The following FGF13 variants were observed in gnomAD, a reference collection of about 807,000 sequenced individuals.
The protein encoded by FGF13 is fibroblast growth factor 13.
A neutral mutation model predicts 19.5 loss-of-function variants in FGF13; 2 were observed. The observed-to-expected ratio is 0.10, with a 90% CI of 0.04 to 0.32. The LOEUF is 0.32. FGF13 is among the 10% of genes least tolerant of loss of function. FGF13 has a pLI of 1.00. For synonymous variants in FGF13, 72 were observed against 76.9 expected (o/e 0.94, Z 0.33); for missense variants, 113 against 192.7 (o/e 0.59, Z 2.45).
chrX:139,089,620 T>C (rs1373880789), intron 1 of FGF13, among the ~76,000 whole-genome samples: 1 of 111,808 alleles, frequency 8.9e-6, no homozygotes, highest in Non-Finnish European at 1.9e-5. Flanking sequence ...CCTCAGTTTC[T>C]TCATCTCAAC....
chrX:138,678,076 A>C (rs926366646), intron 3 of FGF13, among the ~76,000 whole-genome samples: 9 of 111,671 alleles, frequency 8.1e-5, no homozygotes, highest in Non-Finnish European at 1.7e-4. Flanking sequence ...AACTATCGCA[A>C]GGACAAAAAA....
intron 3 of FGF13, among the ~76,000 whole-genome samples, chrX:138,793,822 A>T (rs182441329): frequency 2.1e-3 from 234 of 112,106 alleles, no homozygotes; most frequent in Non-Finnish European, 3.6e-3. Flanking sequence ...TGTATGTAAA[A>T]TTGGGATAGT....
intron 1 of FGF13, among the ~76,000 whole-genome samples, chrX:138,975,274 C>T (rs1230053273): frequency 8.9e-6 from 1 of 112,613 alleles, no homozygotes; most frequent in Non-Finnish European, 1.9e-5. Context: ...TCTCCATTTT[C>T]CAGTTGATGG....
In FGF13 at chrX:138,634,190, A is replaced by AT. The variant is rs370716406; in HGVS notation, c.602-1205dup. On this transcript the variant is annotated intron_variant, in intron 4 of 4. Coordinates refer to ENST00000315930, the MANE Select transcript of FGF13 (RefSeq NM_004114.5). The stretch of plus-strand genomic sequence containing the variant: ...TCTGGTAAGTGTTAAGTGTACACAC[A>AT]TTTTTTTTTTCTTTTGTTTTTTGAA... Among the ~76,000 whole-genome samples the AT allele has an allele frequency of 4.1e-4, 44 of 108,231 alleles. 1 individual carries two copies. In the Middle Eastern group the frequency reaches 0.014, roughly 34 times the overall value. The allele number at this position is 108,231 out of a possible 115,157, so 94.0% of individuals were successfully genotyped here.
Position 139,056,999 on chromosome X carries a change from G to C in FGF13, c.-113+146417C>G, listed in dbSNP as rs563886372. On this transcript the variant is annotated intron_variant, in intron 1 of 2. Transcript: ENST00000421460. ...AGAAAGAACCATGGACTAAAGTCAG[G>C]AGACTTGCCCACTAGGCCCATGTTG... Among the ~76,000 whole-genome samples, 26 of 111,679 alleles carry C rather than the reference G, an allele frequency of 2.3e-4. No individual in the cohort carries two copies. In the South Asian group the frequency reaches 9.4e-3, roughly 41 times the overall value.
intron 3 of FGF13, among the ~76,000 whole-genome samples, chrX:138,784,618 C>G (rs1359953180): frequency 9.0e-6 from 1 of 111,219 alleles, no homozygotes; most frequent in Non-Finnish European, 1.9e-5. Context: ...TATTAGCCTA[C>G]TTCTTTTCCT....
At chrX:139,131,019 G>C (rs1291422543) in intron 1 of FGF13, among the ~76,000 whole-genome samples, 2 of 111,301 alleles carry the variant, frequency 1.8e-5, no homozygotes, top group East Asian at 5.6e-4. Flanking sequence ...AATTCTTAAT[G>C]AAGAATGAAT....
At chrX:138,639,364 C>T (rs1168698351) in intron 3 of FGF13, among the ~76,000 whole-genome samples, 2 of 111,795 alleles carry the variant, frequency 1.8e-5, no homozygotes, top group Non-Finnish European at 3.8e-5. Flanking sequence ...ATAAAGGCAG[C>T]AATCACTGTG....
chrX:138,901,418 G>A (rs2091531179), intron 1 of FGF13, among the ~76,000 whole-genome samples: 1 of 111,189 alleles, frequency 9.0e-6, no homozygotes, highest in African/African-American at 3.3e-5. Context: ...AACTTGCATG[G>A]GAAAGTGGGG....
At chrX:138,702,844 T>C (rs779712948) in intron 3 of FGF13, 140 bp downstream of exon 3, 72 of 460,131 alleles carry the variant, frequency 1.6e-4, no homozygotes, top group Non-Finnish European at 2.4e-4. Flanking sequence ...AAAGTTAATC[T>C]GTCCTTTCAA....
intron 2 of FGF13, among the ~76,000 whole-genome samples, chrX:138,863,604 T>A (rs1443125673): frequency 8.9e-6 from 1 of 112,327 alleles, no homozygotes; most frequent in Non-Finnish European, 1.9e-5. Context: ...TTTCATACAG[T>A]TGTTTTGCAT....
chrX:138,949,450 T>C, intron 1 of FGF13, among the ~76,000 whole-genome samples: 1 of 111,617 alleles, frequency 9.0e-6, no homozygotes, highest in Non-Finnish European at 1.9e-5. Context: ...CCTTCTCACC[T>C]GTGTGCCCGT....
intron 1 of FGF13, among the ~76,000 whole-genome samples, chrX:138,916,148 C>T (rs763624108): frequency 1.8e-5 from 2 of 111,779 alleles, no homozygotes; most frequent in Non-Finnish European, 1.9e-5. Context: ...TTCCATAATT[C>T]GCAGTGAGTC....
chrX:139,173,768 T>A lies in FGF13; in HGVS notation c.-113+29648A>T, dbSNP rs1049345881. ...TATGGCTGCATAGAATTCCATGGTG[T>A]ATATGTGCCACATTTTCTTTATCCA... On this transcript the variant is annotated intron_variant, in intron 1 of 2. Coordinates refer to the FGF13 transcript ENST00000421460. Among the ~76,000 whole-genome samples, 10 of 112,104 alleles carry A rather than the reference T, an allele frequency of 8.9e-5. No homozygotes were observed. The East Asian group carries it at 2.8e-3, about 31-fold the overall frequency.
chrX:139,146,341 T>C (rs1174328976), intron 1 of FGF13, among the ~76,000 whole-genome samples: 1 of 112,288 alleles, frequency 8.9e-6, no homozygotes, highest in Non-Finnish European at 1.9e-5. Flanking sequence ...AAAGAAGACA[T>C]TTATGCAGCC....
rs777119238 is a variant in FGF13, at chrX:138,616,052, C to T, written c.*16798G>A. The stretch of plus-strand genomic sequence containing the variant: ...GTGGGAACACAAAACCAAACCATAT[C>T]ATTCTGACCCTAGTTCCTCCCAAAT... On this transcript the variant is annotated 3_prime_UTR_variant, in exon 5 of 5. Coordinates refer to ENST00000315930, the MANE Select transcript of FGF13 (RefSeq NM_004114.5). 1 of 111,579 alleles carries T rather than the reference C, an allele frequency of 9.0e-6. No homozygotes were observed. The highest frequency in any genetic ancestry group is 3.8e-4 in the South Asian group (1 of 2,621). 9.2% of individuals were successfully genotyped at this position (111,579 alleles called of 1,213,427 possible). A position where few individuals can be genotyped will look rare whatever the true frequency, so the allele number is the denominator to read the frequency against.
At chrX:138,937,077 G>A (rs759508220) in intron 1 of FGF13, among the ~76,000 whole-genome samples, 1 of 110,757 alleles carries the variant, frequency 9.0e-6, no homozygotes, top group African/African-American at 3.3e-5. Flanking sequence ...TTCTTCTTGA[G>A]AAGAAGTTTC....
chrX:139,134,558 C>A (rs2083784977), intron 1 of FGF13, among the ~76,000 whole-genome samples: 1 of 111,397 alleles, frequency 9.0e-6, no homozygotes, highest in Non-Finnish European at 1.9e-5. Context: ...AAAATCCAAC[C>A]ATGTCAACCC....
chrX:138,743,258 C>A (rs772850229), upstream of FGF13, among the ~76,000 whole-genome samples: 2 of 111,326 alleles, frequency 1.8e-5, no homozygotes, highest in Non-Finnish European at 3.8e-5. Context: ...ACTTTAAGTG[C>A]ATATTACTAA....
Sources: allele counts gnomAD v4.1 joint callset (sites outside exome capture counted in the v4.1 genomes callset), GRCh38; gene constraint gnomAD v4.1.1; transcripts MANE v1.5; gene names NCBI Gene and HGNC (gene_info 2026-07-23, HGNC 2026-07-21).